Variants in KANK4 observed in about 807,000 individuals in gnomAD.
KANK4 encodes the protein KN motif and ankyrin repeat domains 4.
A neutral mutation model predicts 80.8 loss-of-function variants in KANK4; 50 were observed. That is an observed-to-expected ratio of 0.62 (90% CI 0.49 to 0.78). The LOEUF (loss-of-function observed/expected upper bound fraction) is 0.78, where lower values mean the gene tolerates loss of function less well. Ranked by LOEUF, KANK4 falls within the 30% of genes least tolerant of loss-of-function variation. The pLI is 0.00. For missense variants in KANK4, 1,196 were observed against 1,240.1 expected (o/e 0.96, Z 0.53); for synonymous variants, 465 against 506.9 (o/e 0.92, Z 1.11).
intron 1 of KANK4, among the ~76,000 whole-genome samples, chr1:62,291,543 C>T (rs1457056329): frequency 6.6e-6 from 1 of 152,170 alleles, no homozygotes; most frequent in Non-Finnish European, 1.5e-5. Flanking sequence ...CTGGGCTCTG[C>T]AATCCTCTCA....
rs1197533531 is a variant in KANK4 at position 62,307,360 on chromosome 1, C to T, written c.-71+11746G>A. Reference sequence around the variant, plus strand: ...AGCCGGACGTCGTGGTGCACACCTGCAGTCCCAGCTACTTGGGAGGCTGAG... The same window carrying T: ...AGCCGGACGTCGTGGTGCACACCTGTAGTCCCAGCTACTTGGGAGGCTGAG... On this transcript the variant is annotated intron_variant, in intron 1 of 9. Transcript: ENST00000371153. Among the ~76,000 whole-genome samples, 10 of 151,512 alleles carry T rather than the reference C, an allele frequency of 6.6e-5. No individual in the cohort carries two copies. The East Asian group carries it at 1.9e-3, about 29-fold the overall frequency.
intron 1 of KANK4, among the ~76,000 whole-genome samples, chr1:62,310,784 G>A (rs1458350399): frequency 6.6e-6 from 1 of 152,142 alleles, no homozygotes; most frequent in Non-Finnish European, 1.5e-5. Flanking sequence ...TCTAAGTCTA[G>A]TTCCTCCCAC....
rs182322278 is a variant in KANK4 at position 62,256,907 on chromosome 1, A to C, written c.2540-3698T>G. Among the ~76,000 whole-genome samples the C allele has an allele frequency of 7.4e-3, 1,120 of 152,118 alleles. 11 individuals carry two copies. The highest frequency in any genetic ancestry group is 0.013 in the Non-Finnish European group (896 of 67,992). ...GAACGTTTGCACTACCTTATTAATA[A>C]CTTTATTTCTACACCTTGATTATTT... On this transcript the variant is annotated intron_variant, in intron 7 of 9. Transcript: ENST00000371153.
chr1:62,245,183 A>G (rs1401843026), intron 9 of KANK4, among the ~76,000 whole-genome samples: 1 of 152,216 alleles, frequency 6.6e-6, no homozygotes. Flanking sequence ...CTTCTCCCCC[A>G]GGACAACCCA....
chr1:62,256,388 C>CTT (rs893915241), intron 7 of KANK4, among the ~76,000 whole-genome samples: 2 of 145,166 alleles, frequency 1.4e-5, no homozygotes, highest in African/African-American at 2.5e-5. Flanking sequence ...ATTTTCCTTT[C>CTT]TTTTTTTTTT....
intron 2 of KANK4, among the ~76,000 whole-genome samples, chr1:62,276,797 G>A (rs1672326014): frequency 6.9e-6 from 1 of 145,710 alleles, no homozygotes; most frequent in Non-Finnish European, 1.5e-5. Context: ...ACTATTGTGA[G>A]GACTAGTTAA....
chr1:62,314,762 A>T (rs566208038), intron 1 of KANK4, among the ~76,000 whole-genome samples: 1 of 151,390 alleles, frequency 6.6e-6, no homozygotes, highest in East Asian at 1.9e-4. Context: ...AAATGAGGAG[A>T]GTGATGGAAC....
chr1:62,291,471 T>C (rs1672677078), intron 1 of KANK4, among the ~76,000 whole-genome samples: 1 of 152,238 alleles, frequency 6.6e-6, no homozygotes, highest in Non-Finnish European at 1.5e-5. Context: ...AGATAGGGTC[T>C]CACTCTGTTG....
At chr1:62,275,872 GGAAGGAAGGGA>G (rs1672300197) in intron 2 of KANK4, among the ~76,000 whole-genome samples, 1 of 141,918 alleles carries the variant, frequency 7.0e-6, no homozygotes, top group Non-Finnish European at 1.5e-5. Flanking sequence ...AAGGAAGGGA[GGAAGGAAGGGA>G]GGAAGGAAGG....
chr1:62,290,620 A>G (rs1386149890), intron 1 of KANK4, among the ~76,000 whole-genome samples: 2 of 152,242 alleles, frequency 1.3e-5, no homozygotes, highest in African/African-American at 4.8e-5. Context: ...GGCAAGGATC[A>G]TATTTGTTTT....
chr1:62,254,401 C>G (rs1273027940), intron 7 of KANK4, among the ~76,000 whole-genome samples: 1 of 151,822 alleles, frequency 6.6e-6, no homozygotes. Flanking sequence ...GCCACCATGC[C>G]TGGCTAATTT....
intron 1 of KANK4, among the ~76,000 whole-genome samples, chr1:62,295,293 C>T (rs7413420): frequency 0.43 from 65,415 of 151,838 alleles, 15,269 homozygotes; most frequent in East Asian, 0.78. Flanking sequence ...AGGCGCCCGC[C>T]ACAAAGCCCG....
At chr1:62,290,926 A>G (rs1286061198) in intron 1 of KANK4, among the ~76,000 whole-genome samples, 2 of 151,104 alleles carry the variant, frequency 1.3e-5, no homozygotes, top group Non-Finnish European at 3.0e-5. Context: ...TTTTTTCTGT[A>G]TTTTTAGTAG....
chr1:62,278,748 G>A (rs141233382), intron 2 of KANK4, among the ~76,000 whole-genome samples: 6 of 151,720 alleles, frequency 4.0e-5, no homozygotes, highest in South Asian at 4.2e-4. Flanking sequence ...CCATCCCCTC[G>A]CAAAGAAACA....
rs146927673 is a variant in KANK4, at chr1:62,273,343, G to A, written c.1761C>T (p.Ser587=). The A allele has an allele frequency of 6.7e-5, 108 of 1,608,322 alleles. No homozygotes were observed. The East Asian group carries it at 1.2e-3, about 18-fold the overall frequency. ...GCTTGGAGGCTGGCTGCTTGATGGCGCTGGCCAGCTCCGGGTACCCATGCT... is the reference window on the plus strand; with the variant it reads ...GCTTGGAGGCTGGCTGCTTGATGGCACTGGCCAGCTCCGGGTACCCATGCT... ...CLEHGYPELA[S]AIKQPASKLS... The change falls in exon 3 of 10, where the codon AGC becomes AGT. Residue 587 remains serine, a synonymous_variant. Transcript: ENST00000371153.
intron 4 of KANK4, among the ~76,000 whole-genome samples, chr1:62,268,774 G>A (rs1369905231): frequency 2.6e-5 from 4 of 152,164 alleles, no homozygotes; most frequent in African/African-American, 7.2e-5. Context: ...TGTGCTCATT[G>A]CAGCAAACCC....
chr1:62,311,755 T>C (rs1480823874), intron 1 of KANK4, among the ~76,000 whole-genome samples: 1 of 152,170 alleles, frequency 6.6e-6, no homozygotes, highest in Non-Finnish European at 1.5e-5. Flanking sequence ...GCTGATAGAA[T>C]TACCCGATGA....
At chr1:62,298,069 G>A (rs562017983) in intron 1 of KANK4, 1 of 152,324 alleles carries the variant, frequency 6.6e-6, no homozygotes, top group Admixed American at 6.5e-5. Context: ...TCGGGAGCAC[G>A]ATGGTCCTCC....
Position 62,247,381 on chromosome 1 carries a change from C to T in KANK4, c.2883+91G>A, listed in dbSNP as rs1671491491. 15 of 1,121,626 alleles carry T rather than the reference C, an allele frequency of 1.3e-5. No homozygotes were observed. In the Admixed American group the frequency reaches 1.6e-4, roughly 12 times the overall value. The allele number at this position is 1,121,626 out of a possible 1,614,324, so 69.5% of individuals were successfully genotyped here. On this transcript the variant is annotated intron_variant, in intron 9 of 9. Coordinates refer to ENST00000371153, the MANE Select transcript of KANK4 (RefSeq NM_181712.5). ...TCTCGAACTCCTGGGCTCAAGTGAT[C>T]CTCCCGCCTCAGCCTCCCAAAGTGC... is the stretch of plus-strand genomic sequence containing the variant.
Sources: gnomAD v4.1 joint callset for allele counts (sites outside exome capture counted in the v4.1 genomes callset) on GRCh38, gnomAD v4.1.1 for gene constraint, MANE v1.5 for transcripts, NCBI Gene and HGNC (gene_info 2026-07-23, HGNC 2026-07-21) for gene names.